HPSE2: variants seen among roughly 807,000 people sequenced by gnomAD.
HPSE2 encodes heparanase 2 (inactive), also known as inactive heparanase-2.
A neutral mutation model predicts 60.5 loss-of-function variants in HPSE2; 38 were observed. That is an observed-to-expected ratio of 0.63 (90% CI 0.48 to 0.82). The LOEUF is 0.82. Among genes scored for constraint, HPSE2 ranks in the 40% least tolerant of loss-of-function variants. The pLI is 0.00. For missense variants in HPSE2, 713 were observed against 740.4 expected (o/e 0.96, Z 0.43); for synonymous variants, 295 against 293.2 (o/e 1.01, Z -0.06).
At chr10:98,888,156 AC>A (rs1953224682) in intron 3 of HPSE2, among the ~76,000 whole-genome samples, 2 of 151,366 alleles carry the variant, frequency 1.3e-5, no homozygotes, top group Non-Finnish European at 2.9e-5. Flanking sequence ...ACACACACAC[AC>A]ACACACACAC....
chr10:98,585,458 A>C (rs1944912765), intron 9 of HPSE2, among the ~76,000 whole-genome samples: 1 of 151,306 alleles, frequency 6.6e-6, no homozygotes, highest in East Asian at 2.0e-4. Flanking sequence ...TTTTTAGTAG[A>C]GATGGGGTTT....
intron 5 of HPSE2, among the ~76,000 whole-genome samples, chr10:98,702,021 TAA>T (rs1408294561): frequency 6.6e-6 from 1 of 152,092 alleles, no homozygotes; most frequent in African/African-American, 2.4e-5. Context: ...TCAAATTGGA[TAA>T]AGAGTCAAGA....
intron 1 of HPSE2, among the ~76,000 whole-genome samples, chr10:99,233,351 C>G (rs2133954238): frequency 6.6e-6 from 1 of 152,258 alleles, no homozygotes; most frequent in East Asian, 1.9e-4. Context: ...CACTTGGGGC[C>G]GTTTGGAACC....
At chr10:98,595,466 G>A (rs191888066) in intron 9 of HPSE2, among the ~76,000 whole-genome samples, 9 of 152,116 alleles carry the variant, frequency 5.9e-5, no homozygotes, top group South Asian at 2.1e-4. Flanking sequence ...CACCACACCC[G>A]GCCAAATGAG....
At chr10:99,099,987 T>C (rs1050147651) in intron 3 of HPSE2, among the ~76,000 whole-genome samples, 3 of 152,064 alleles carry the variant, frequency 2.0e-5, no homozygotes, top group African/African-American at 4.8e-5. Flanking sequence ...CAAAACCCCA[T>C]CTGTATGTCA....
At chr10:98,880,943 T>C (rs1368493983) in intron 3 of HPSE2, among the ~76,000 whole-genome samples, 2 of 152,102 alleles carry the variant, frequency 1.3e-5, no homozygotes, top group Admixed American at 1.3e-4. Flanking sequence ...TGGTTAATCC[T>C]CTCTACTATC....
At position 98,589,895 on chromosome 10, in the gene HPSE2, C is replaced by G. The variant is rs1381906041; in HGVS notation, c.1320+25009G>C. Among the ~76,000 whole-genome samples the G allele has an allele frequency of 2.6e-5, 4 of 152,214 alleles. No homozygotes were observed. The East Asian group carries it at 7.7e-4, about 29-fold the overall frequency. ...GACTCAAACCCCTCTTGGAATTATA[C>G]AGAATTTAGTCATCCTGTCAGGAGA... On this transcript the variant is annotated intron_variant, in intron 9 of 11. Coordinates refer to ENST00000370552, the MANE Select transcript of HPSE2 (RefSeq NM_021828.5).
At chr10:98,625,320 T>C (rs1946178876) in intron 7 of HPSE2, among the ~76,000 whole-genome samples, 1 of 152,234 alleles carries the variant, frequency 6.6e-6, no homozygotes. Context: ...AAGAGCAACA[T>C]GCTTATTTGC....
chr10:99,295,286 G>A, the HPSE2 span, among the ~76,000 whole-genome samples: 2 of 152,038 alleles, frequency 1.3e-5, no homozygotes, highest in African/African-American at 2.4e-5. Context: ...GATAAAAGGT[G>A]GTAGAACCAG....
In HPSE2 at chr10:98,952,187, T is replaced by G. The variant is rs190277499; in HGVS notation, c.610+192051A>C. Among the ~76,000 whole-genome samples the G allele has an allele frequency of 4.0e-3, 616 of 152,318 alleles. 4 individuals carry two copies. Among genetic ancestry groups the G allele is most frequent in the Non-Finnish European group, 6.9e-3 (469 of 68,038 alleles). The stretch of plus-strand genomic sequence containing the variant: ...AATCTACTGCCAGAGGTAAACTCCT[T>G]TTCACAAGTGAGGTGCTAAGCAGGT... On this transcript the variant is annotated intron_variant, in intron 3 of 11. Coordinates refer to ENST00000370552, the MANE Select transcript of HPSE2 (RefSeq NM_021828.5).
At chr10:99,152,310 C>CAAAAAAAAAAAAAAAAAA (rs1004063463) in intron 2 of HPSE2, among the ~76,000 whole-genome samples, 1 of 54,044 alleles carries the variant, frequency 1.9e-5, no homozygotes, top group African/African-American at 5.9e-5. Flanking sequence ...GACTCCACCT[C>CAAAAAAAAAAAAAAAAAA]AAAAAAAAAA....
At chr10:98,948,688 C>T (rs1382216804) in intron 3 of HPSE2, among the ~76,000 whole-genome samples, 1 of 151,996 alleles carries the variant, frequency 6.6e-6, no homozygotes, top group South Asian at 2.1e-4. Flanking sequence ...AAGACGTGTG[C>T]CTGCCTTTCC....
chr10:99,006,522 C>T lies in HPSE2; in HGVS notation c.610+137716G>A, dbSNP rs188584099. 1.5e-4 allele frequency among the ~76,000 whole-genome samples: 23 copies of T among 152,294 alleles called. No homozygotes were observed. In the East Asian group the frequency reaches 4.3e-3, roughly 28 times the overall value. ...CCTGGCTTTGGCAGTCATGGGCTAT[C>T]ATGGCTCCAGGCTCCAAAATCTAGG... On this transcript the variant is annotated intron_variant, in intron 3 of 11. Coordinates refer to ENST00000370552, the MANE Select transcript of HPSE2 (RefSeq NM_021828.5).
intron 9 of HPSE2, among the ~76,000 whole-genome samples, chr10:98,564,773 T>C (rs1944291667): frequency 6.6e-6 from 1 of 152,232 alleles, no homozygotes; most frequent in Non-Finnish European, 1.5e-5. Context: ...CTCAGCCAGA[T>C]GGCCATGTTT....
chr10:98,649,328 T>A (rs1946855671), intron 6 of HPSE2, among the ~76,000 whole-genome samples: 2 of 152,210 alleles, frequency 1.3e-5, no homozygotes, highest in African/African-American at 4.8e-5. Context: ...ATTTGCTAGC[T>A]ATTTTACATA....
chr10:99,259,308 CAAAA>C, the HPSE2 span, among the ~76,000 whole-genome samples: 4 of 134,226 alleles, frequency 3.0e-5, no homozygotes. Context: ...CCCCCCCCAC[CAAAA>C]AAAAAAAAAA....
intron 3 of HPSE2, among the ~76,000 whole-genome samples, chr10:99,014,640 C>T (rs756499533): frequency 1.3e-5 from 2 of 152,104 alleles, no homozygotes; most frequent in African/African-American, 4.8e-5. Context: ...TTTTAATAAT[C>T]GTCATTCTAA....
At chr10:98,729,646 A>C (rs1949180527) in intron 4 of HPSE2, among the ~76,000 whole-genome samples, 1 of 152,048 alleles carries the variant, frequency 6.6e-6, no homozygotes, top group Admixed American at 6.6e-5. Context: ...TTAAAAAGGT[A>C]GACTATATAA....
intron 3 of HPSE2, among the ~76,000 whole-genome samples, chr10:98,756,545 A>G (rs1949882985): frequency 6.6e-6 from 1 of 152,084 alleles, no homozygotes; most frequent in African/African-American, 2.4e-5. Context: ...TGTTATGAAC[A>G]CCTCTATGCA....
Sources: gnomAD v4.1 joint callset for allele counts (sites outside exome capture counted in the v4.1 genomes callset) on GRCh38, gnomAD v4.1.1 for gene constraint, MANE v1.5 for transcripts, NCBI Gene and HGNC (gene_info 2026-07-23, HGNC 2026-07-21) for gene names.